ADAMTSL1: variants seen among roughly 807,000 people sequenced by gnomAD.
ADAMTSL1 encodes ADAMTS like 1.
Under a neutral mutation model 201.8 loss-of-function variants are expected in ADAMTSL1, and 126 were observed. That is an observed-to-expected ratio of 0.62 (90% CI 0.54 to 0.72). The LOEUF (loss-of-function observed/expected upper bound fraction) is 0.72, where lower values mean the gene tolerates loss of function less well. Among genes scored for constraint, ADAMTSL1 ranks in the 30% least tolerant of loss-of-function variants. The probability of loss-of-function intolerance (pLI) is 0.00; values close to 1 mark genes in which losing one functional copy is unlikely to be tolerated. For synonymous variants in ADAMTSL1, 1,121 were observed against 903.4 expected (o/e 1.24, Z -4.32); for missense variants, 2,679 against 2,277.8 (o/e 1.18, Z -3.59).
At position 18,138,531 on chromosome 9, in the gene ADAMTSL1, G is replaced by A. The variant is rs116730460; in HGVS notation, c.88-25331G>A. ...CAGCTTCATAGTACACAAAGCAGCT[G>A]GTGTGCGGCCATGGCTACTAGTGCT... is the stretch of plus-strand genomic sequence containing the variant. On this transcript the variant is annotated intron_variant, in intron 1 of 29. Transcript: ENST00000680146. Among the ~76,000 whole-genome samples the A allele has an allele frequency of 2.4e-3, 364 of 152,246 alleles. 1 individual carries two copies. The highest frequency in any genetic ancestry group is 8.3e-3 in the African/African-American group (344 of 41,560).
At chr9:18,320,940 A>C (rs898747020) in intron 2 of ADAMTSL1, among the ~76,000 whole-genome samples, 1 of 152,096 alleles carries the variant, frequency 6.6e-6, no homozygotes. Flanking sequence ...AAGATGAGAA[A>C]TAGAAAACAA....
intron 1 of ADAMTSL1, among the ~76,000 whole-genome samples, chr9:17,983,921 C>T (rs1818821069): frequency 6.6e-6 from 1 of 151,782 alleles, no homozygotes. Flanking sequence ...TCAAATCCTC[C>T]CTTGAAGGCA....
At chr9:18,606,727 A>G (rs1042932610) in intron 4 of ADAMTSL1, among the ~76,000 whole-genome samples, 1 of 152,144 alleles carries the variant, frequency 6.6e-6, no homozygotes, top group African/African-American at 2.4e-5. Context: ...ACAGGACTTG[A>G]TCCACACACC....
intron 26 of ADAMTSL1, among the ~76,000 whole-genome samples, chr9:18,897,683 C>T (rs114198458): frequency 0.015 from 2,214 of 152,196 alleles, 61 homozygotes; most frequent in South Asian, 0.085. Flanking sequence ...CGAAAAAGAC[C>T]CCACAAAATC....
At chr9:18,718,632 C>CGCT (rs1277880315) in intron 14 of ADAMTSL1, 2 of 361,970 alleles carry the variant, frequency 5.5e-6, no homozygotes, top group African/African-American at 4.3e-5. Context: ...GCAGTCCTGC[C>CGCT]GCTGCCGCCG....
At chr9:18,541,475 A>C (rs149103059) in intron 3 of ADAMTSL1, among the ~76,000 whole-genome samples, 37 of 151,692 alleles carry the variant, frequency 2.4e-4, no homozygotes, top group African/African-American at 8.7e-4. Flanking sequence ...GTGTCATTGC[A>C]CTCCAGACTG....
chr9:18,160,615 A>G (rs2132080356), intron 1 of ADAMTSL1, among the ~76,000 whole-genome samples: 1 of 151,996 alleles, frequency 6.6e-6, no homozygotes, highest in African/African-American at 2.4e-5. Flanking sequence ...CCAGTCCCCA[A>G]ATTGGGAATC....
At chr9:18,546,319 T>A (rs964957486) in intron 3 of ADAMTSL1, among the ~76,000 whole-genome samples, 1 of 152,128 alleles carries the variant, frequency 6.6e-6, no homozygotes, top group Non-Finnish European at 1.5e-5. Context: ...TTCATTATTA[T>A]TGGTTTTTTT....
intron 1 of ADAMTSL1, among the ~76,000 whole-genome samples, chr9:18,066,888 C>CA (rs1434789867): frequency 6.6e-6 from 1 of 151,946 alleles, no homozygotes; most frequent in Non-Finnish European, 1.5e-5. Flanking sequence ...ATTGCGAGAA[C>CA]AAAAAACCAA....
chr9:17,916,083 C>A (rs1201162008), intron 1 of ADAMTSL1, among the ~76,000 whole-genome samples: 1 of 152,160 alleles, frequency 6.6e-6, no homozygotes, highest in South Asian at 2.1e-4. Context: ...CCATGCACAG[C>A]TAATTTTTTT....
intron 13 of ADAMTSL1, among the ~76,000 whole-genome samples, chr9:18,694,587 T>A (rs1246098957): frequency 2.0e-5 from 3 of 152,116 alleles, no homozygotes; most frequent in African/African-American, 7.2e-5. Flanking sequence ...AGCTCCAAAA[T>A]GATCTCCTTT....
chr9:18,678,741 A>C (rs924175286), intron 10 of ADAMTSL1, among the ~76,000 whole-genome samples: 8 of 152,166 alleles, frequency 5.3e-5, no homozygotes, highest in African/African-American at 1.9e-4. Context: ...GTCAGATCAA[A>C]TCTAATGTGA....
chr9:18,678,649 C>A (rs1273140174), intron 10 of ADAMTSL1, among the ~76,000 whole-genome samples: 1 of 152,032 alleles, frequency 6.6e-6, no homozygotes, highest in African/African-American at 2.4e-5. Flanking sequence ...TTTAGAGTAC[C>A]AATTAGAAAA....
At chr9:18,842,248 C>T (rs1214379226) in intron 23 of ADAMTSL1, among the ~76,000 whole-genome samples, 3 of 152,034 alleles carry the variant, frequency 2.0e-5, no homozygotes, top group African/African-American at 4.8e-5. Context: ...TCTTTGTTCT[C>T]GTTGGTTTCA....
At chr9:18,294,939 C>G (rs1833414972) in intron 2 of ADAMTSL1, among the ~76,000 whole-genome samples, 1 of 152,108 alleles carries the variant, frequency 6.6e-6, no homozygotes, top group African/African-American at 2.4e-5. Context: ...CCCTCTTCCT[C>G]TTTGCTCCTT....
chr9:18,348,505 C>T (rs1410229539), intron 2 of ADAMTSL1, among the ~76,000 whole-genome samples: 3 of 152,238 alleles, frequency 2.0e-5, no homozygotes, highest in Admixed American at 1.3e-4. Context: ...CAAATGAATA[C>T]GAAGTATAAC....
At chr9:18,118,696 A>G (rs1343532003) in intron 1 of ADAMTSL1, among the ~76,000 whole-genome samples, 1 of 152,216 alleles carries the variant, frequency 6.6e-6, no homozygotes, top group East Asian at 1.9e-4. Flanking sequence ...ACTCAGCCCT[A>G]GGATTAGGTG....
At chr9:18,378,932 G>C (rs1257204409) in intron 2 of ADAMTSL1, among the ~76,000 whole-genome samples, 1 of 152,184 alleles carries the variant, frequency 6.6e-6, no homozygotes, top group Non-Finnish European at 1.5e-5. Context: ...TGAGAATCCA[G>C]ATGAAGAATT....
chr9:18,352,259 A>C (rs1160592702), intron 2 of ADAMTSL1, among the ~76,000 whole-genome samples: 1 of 152,152 alleles, frequency 6.6e-6, no homozygotes, highest in African/African-American at 2.4e-5. Flanking sequence ...AAAAGGAAAC[A>C]AACAGTGAAT....
Sources: gnomAD v4.1 joint callset for allele counts (sites outside exome capture counted in the v4.1 genomes callset) on GRCh38, gnomAD v4.1.1 for gene constraint, MANE v1.5 for transcripts, NCBI Gene and HGNC (gene_info 2026-07-23, HGNC 2026-07-21) for gene names.